ARID1B: variants seen among roughly 807,000 people sequenced by gnomAD.
ARID1B encodes the protein AT-rich interactive domain-containing protein 1B.
Under a neutral mutation model 212.3 loss-of-function variants are expected in ARID1B, and 30 were observed. The ratio of observed to expected loss-of-function variants is 0.14; its 90% confidence interval spans 0.11 to 0.19. ARID1B has a LOEUF of 0.19. ARID1B is among the 10% of genes least tolerant of loss of function. ARID1B has a pLI of 1.00. For missense variants in ARID1B, 2,891 were observed against 3,204.0 expected, an observed-to-expected ratio of 0.90 and a Z score of 2.36; for synonymous variants, 1,402 against 1,301.7, an observed-to-expected ratio of 1.08 and a Z score of -1.66.
At chr6:156,962,025 C>T (rs12197818) in intron 4 of ARID1B, among the ~76,000 whole-genome samples, 47,009 of 151,954 alleles carry the variant, frequency 0.31, 7,418 homozygotes, top group Non-Finnish European at 0.32. Flanking sequence ...AAAGGCCGGG[C>T]GCGGTGGCTC....
In ARID1B at chr6:156,949,840, C is replaced by T. The variant is rs115341176; in HGVS notation, c.2247+14264C>T. Among the ~76,000 whole-genome samples the T allele has an allele frequency of 2.7e-3, 418 of 152,306 alleles. 3 individuals carry two copies. The highest frequency in any genetic ancestry group is 9.5e-3 in the African/African-American group (396 of 41,564). On this transcript the variant is annotated intron_variant, in intron 4 of 19. Coordinates refer to ENST00000636930, the MANE Select transcript of ARID1B (RefSeq NM_001374828.1). ...TTTTAAGAATTTCCCCAGTATTACGCTGCCATTTTTGGTTTGTTGAGCTAC... is the reference window on the plus strand; with the variant it reads ...TTTTAAGAATTTCCCCAGTATTACGTTGCCATTTTTGGTTTGTTGAGCTAC...
At chr6:157,162,923 A>G (rs1791039691) in intron 8 of ARID1B, among the ~76,000 whole-genome samples, 1 of 152,166 alleles carries the variant, frequency 6.6e-6, no homozygotes. Flanking sequence ...CAGAGTCAGG[A>G]CAGCTGTCCT....
chr6:157,156,671 G>T (rs771264566), intron 8 of ARID1B, among the ~76,000 whole-genome samples: 1 of 152,096 alleles, frequency 6.6e-6, no homozygotes, highest in African/African-American at 2.4e-5. Context: ...TTCGACAGCC[G>T]CTGTACACCC....
chr6:157,029,364 ATTTATATT>A (rs925317025), intron 4 of ARID1B, among the ~76,000 whole-genome samples: 2 of 152,172 alleles, frequency 1.3e-5, no homozygotes, highest in Non-Finnish European at 2.9e-5. Context: ...ATACACATGT[ATTTATATT>A]TTTATTGTTT....
chr6:156,854,846 C>T (rs1422559674), intron 2 of ARID1B, among the ~76,000 whole-genome samples: 1 of 152,134 alleles, frequency 6.6e-6, no homozygotes, highest in Non-Finnish European at 1.5e-5. Context: ...CTGTAATTAC[C>T]ATAAATAATT....
At chr6:157,089,281 A>T (rs192642125) in intron 5 of ARID1B, among the ~76,000 whole-genome samples, 24 of 151,216 alleles carry the variant, frequency 1.6e-4, no homozygotes, top group Non-Finnish European at 8.9e-5. Flanking sequence ...TAGATAAACG[A>T]AGCCCAGTAA....
At chr6:156,827,071 A>T (rs1782791856) in intron 1 of ARID1B, among the ~76,000 whole-genome samples, 1 of 152,084 alleles carries the variant, frequency 6.6e-6, no homozygotes, top group South Asian at 2.1e-4. Flanking sequence ...TGCCCTGGAG[A>T]TATAATAGTG....
chr6:156,779,155 AC>A lies in ARID1B; in HGVS notation c.1477del (p.Gln493SerfsTer20). Reference sequence around the variant, plus strand: ...GGCTTCCAGCGCTTCGCCGGCCAGAACCAGCACCCGTCGGGGGCCACCCCGA... The same window carrying A: ...GGCTTCCAGCGCTTCGCCGGCCAGAACAGCACCCGTCGGGGGCCACCCCGA... ...AGGFQRFAGQ[N>X]QHPSGATPTL... On this transcript the variant is annotated frameshift_variant, in exon 1 of 20. Coordinates refer to ENST00000636930, the MANE Select transcript of ARID1B (RefSeq NM_001374828.1). LOFTEE classifies it high-confidence loss of function. 7.6e-7 allele frequency: 1 copy of A among 1,311,850 alleles called. No individual in the cohort carries two copies. 81.3% of individuals were successfully genotyped at this position (1,311,850 alleles called of 1,614,324 possible). A position where few individuals can be genotyped will look rare whatever the true frequency, so the allele number is the denominator to read the frequency against.
chr6:156,891,874 GTT>G lies in ARID1B; in HGVS notation c.1987-9488_1987-9487del, dbSNP rs555568271. ...TTCATACCTTTTCTTTTTCTTTTCTGTTTTTTTTTTTTTTTGAGACGGAGTCT... is the reference window on the plus strand; with the variant it reads ...TTCATACCTTTTCTTTTTCTTTTCTGTTTTTTTTTTTTTGAGACGGAGTCT... On this transcript the variant is annotated intron_variant, in intron 2 of 19. Transcript: ENST00000636930. Among the ~76,000 whole-genome samples the G allele has an allele frequency of 6.0e-3, 792 of 132,566 alleles. 8 individuals are homozygous for G. The highest frequency in any genetic ancestry group is 0.02 in the African/African-American group (703 of 35,486). 87.0% of individuals were successfully genotyped at this position (132,566 alleles called of 152,430 possible).
intron 10 of ARID1B, chr6:157,174,422 G>A: frequency 4.0e-6 from 1 of 252,934 alleles, no homozygotes. Flanking sequence ...TTCGGTACTT[G>A]CAGCCATTTT....
chr6:156,821,897 T>A (rs1039011193), intron 1 of ARID1B, among the ~76,000 whole-genome samples: 4 of 151,984 alleles, frequency 2.6e-5, no homozygotes, highest in African/African-American at 9.7e-5. Flanking sequence ...CAGTTAGGAG[T>A]GTTTTGAGGT....
At chr6:157,086,885 A>G (rs1481610687) in intron 5 of ARID1B, among the ~76,000 whole-genome samples, 2 of 152,240 alleles carry the variant, frequency 1.3e-5, no homozygotes, top group African/African-American at 4.8e-5. Context: ...AAGGATGCCC[A>G]TTCTTCGCAG....
chr6:157,052,070 T>C (rs1411915524), intron 4 of ARID1B, among the ~76,000 whole-genome samples: 3 of 152,210 alleles, frequency 2.0e-5, no homozygotes, highest in Admixed American at 6.5e-5. Context: ...TTCTATATAT[T>C]GTGGGCTTCC....
chr6:157,163,261 T>C (rs1177275518), intron 8 of ARID1B, among the ~76,000 whole-genome samples: 1 of 152,082 alleles, frequency 6.6e-6, no homozygotes, highest in Non-Finnish European at 1.5e-5. Context: ...GTCTCGGGCA[T>C]TGTATTTTCA....
intron 1 of ARID1B, among the ~76,000 whole-genome samples, chr6:156,790,972 T>G (rs1779970317): frequency 6.6e-6 from 1 of 152,238 alleles, no homozygotes; most frequent in Admixed American, 6.5e-5. Flanking sequence ...TTTTCCATAT[T>G]GCTATATTAT....
At chr6:157,173,645 A>G in intron 9 of ARID1B, 1 of 165,498 alleles carries the variant, frequency 6.0e-6, no homozygotes, top group Non-Finnish European at 1.3e-5. Flanking sequence ...ACGCACACCC[A>G]GTATTTGCCT....
chr6:156,953,055 G>A (rs1036323245), intron 4 of ARID1B, among the ~76,000 whole-genome samples: 3 of 152,190 alleles, frequency 2.0e-5, no homozygotes, highest in East Asian at 1.9e-4. Flanking sequence ...GGTCAACTGC[G>A]TAATTGTGAA....
Position 156,778,426 on chromosome 6 carries a change from C to A in ARID1B, c.746C>A (p.Ala249Asp). Residue 249 changes from alanine to aspartate, a missense_variant, in exon 1 of 20, where the codon GCT (alanine) becomes GAT (aspartate). Physicochemically the swap from Ala to Asp is moderately radical, Grantham distance 126. Transcript: ENST00000636930. ...QPQHGGAKDS[A>D]AGGQADPPGP... is the part of the protein sequence containing the mutation. Reference sequence around the variant, plus strand: ...CAACATGGAGGCGCCAAGGACAGTGCTGCGGGCGGCCAGGCCGACCCCCCG... The same window carrying A: ...CAACATGGAGGCGCCAAGGACAGTGATGCGGGCGGCCAGGCCGACCCCCCG... 6.7e-7 allele frequency: 1 copy of A among 1,492,004 alleles called. No individual in the cohort carries two copies. The highest frequency in any genetic ancestry group is 8.9e-7 in the Non-Finnish European group (1 of 1,125,610). The allele number at this position is 1,492,004 out of a possible 1,614,324, so 92.4% of individuals were successfully genotyped here.
At chr6:156,813,105 TATA>T (rs1468147087) in intron 1 of ARID1B, among the ~76,000 whole-genome samples, 8 of 108,078 alleles carry the variant, frequency 7.4e-5, no homozygotes, top group Non-Finnish European at 1.5e-4. Flanking sequence ...TACATATATA[TATA>T]TTTTTTTTTT....
Sources: allele counts gnomAD v4.1 joint callset (sites outside exome capture counted in the v4.1 genomes callset), GRCh38; gene constraint gnomAD v4.1.1; transcripts MANE v1.5; gene names NCBI Gene and HGNC (gene_info 2026-07-23, HGNC 2026-07-21).